DZANK1: variants seen among roughly 807,000 people sequenced by gnomAD.
DZANK1 encodes double zinc ribbon and ankyrin repeat-containing protein 1.
DZANK1 carries 91 observed loss-of-function variants against 94.5 expected under a neutral mutation model. That is an observed-to-expected ratio of 0.96 (90% CI 0.81 to 1.15). The LOEUF is 1.15. Ranked by LOEUF, DZANK1 falls within the 50% of genes most tolerant of loss-of-function variation. The probability of loss-of-function intolerance (pLI) is 0.00; values close to 1 mark genes in which losing one functional copy is unlikely to be tolerated. For synonymous variants in DZANK1, 312 were observed against 325.3 expected (o/e 0.96, Z 0.44); for missense variants, 903 against 916.4 (o/e 0.99, Z 0.19).
chr20:18,462,633 TA>T, intron 2 of DZANK1, among the ~76,000 whole-genome samples: 1 of 152,114 alleles, frequency 6.6e-6, no homozygotes, highest in South Asian at 2.1e-4. Flanking sequence ...AAGGGACACT[TA>T]TACACTATTG....
chr20:18,384,286 C>T (rs1336759045), exon 21 of DZANK1: 11 of 1,158,330 alleles, frequency 9.5e-6, no homozygotes, highest in East Asian at 5.3e-5. Context: ...CTTGAACTCC[C>T]AACCTCAGGT....
exon 21 of DZANK1, chr20:18,384,437 G>C (rs1197462192): frequency 6.8e-6 from 11 of 1,612,030 alleles, no homozygotes; most frequent in Non-Finnish European, 7.6e-6. Context: ...GTTTGAGCGA[G>C]TTGGTCCTCA....
At position 18,426,321 on chromosome 20, in the gene DZANK1, T is replaced by C. The variant is rs146174592; in HGVS notation, c.954+746A>G. 2.0e-5 allele frequency among the ~76,000 whole-genome samples: 3 copies of C among 152,090 alleles called. No individual in the cohort carries two copies. In the East Asian group the frequency reaches 5.8e-4, roughly 29 times the overall value. On this transcript the variant is annotated intron_variant, in intron 10 of 20. Coordinates refer to ENST00000262547, the Ensembl canonical transcript of DZANK1. ...TCCCCCAACCAGGTCCGTGGAAAAA[T>C]TGTCTTCTACAAAACTGGTCCCTGG...
intron 13 of DZANK1, 78 bp from the exon 14 acceptor site, chr20:18,398,704 G>T: frequency 7.4e-7 from 1 of 1,359,292 alleles, no homozygotes; most frequent in Non-Finnish European, 1.0e-6. Flanking sequence ...TGGAACATAT[G>T]TTCTTAGAGA....
chr20:18,435,277 G>T (rs748794942), intron 8 of DZANK1, among the ~76,000 whole-genome samples: 27 of 152,156 alleles, frequency 1.8e-4, no homozygotes, highest in Non-Finnish European at 3.2e-4. Context: ...TAAACATCAG[G>T]CTTAAATATA....
chr20:18,445,755 T>C lies in DZANK1; in HGVS notation c.630-2291A>G, dbSNP rs143224473. Among the ~76,000 whole-genome samples the C allele has an allele frequency of 2.4e-3, 367 of 151,946 alleles. 6 individuals carry two copies. The highest frequency in any genetic ancestry group is 0.02 in the Admixed American group (310 of 15,270). On this transcript the variant is annotated intron_variant, in intron 7 of 20. Coordinates refer to ENST00000262547, the Ensembl canonical transcript of DZANK1. ...CACCCCTGCCACAAAAAAATATATA[T>C]ATACAAGGTTTTTTGTTTTGAGACA...
rs373211033 is a variant in DZANK1, at chr20:18,465,707, T to C, written c.-19-330A>G. ...CTAACGCTCTGACTTGAGTTCCCTG[T>C]AAATCATTATCGCCTTTTCCTGCCT... On this transcript the variant is annotated intron_variant, in intron 1 of 20. Transcript: ENST00000262547. 3.9e-5 allele frequency among the ~76,000 whole-genome samples: 6 copies of C among 152,240 alleles called. No homozygotes were observed. In the East Asian group the frequency reaches 9.6e-4, roughly 24 times the overall value.
intron 12 of DZANK1, among the ~76,000 whole-genome samples, chr20:18,413,823 CT>C (rs758859791): frequency 6.6e-5 from 10 of 151,912 alleles, no homozygotes; most frequent in Non-Finnish European, 1.3e-4. Context: ...ATACAAAGTG[CT>C]GAGTGTATCC....
chr20:18,428,280 C>A (rs1182905603), intron 9 of DZANK1, among the ~76,000 whole-genome samples: 7 of 151,908 alleles, frequency 4.6e-5, no homozygotes, highest in East Asian at 2.0e-4. Flanking sequence ...CCTCTGCCTC[C>A]CGGGTTCAAG....
At chr20:18,463,215 T>C (rs574703487) in intron 2 of DZANK1, among the ~76,000 whole-genome samples, 1 of 152,300 alleles carries the variant, frequency 6.6e-6, no homozygotes, top group South Asian at 2.1e-4. Flanking sequence ...CTGCAGCAAA[T>C]GGATATAGTT....
intron 19 of DZANK1, among the ~76,000 whole-genome samples, chr20:18,387,795 C>A (rs2048597411): frequency 6.6e-6 from 1 of 152,198 alleles, no homozygotes; most frequent in Admixed American, 6.5e-5. Context: ...TTTTCTGCCA[C>A]CTGCCAAGCT....
rs779596211 is a variant in DZANK1, at chr20:18,415,442, C to T, written c.962G>A (p.Cys321Tyr). 3 of 1,521,868 alleles carry T rather than the reference C, an allele frequency of 2.0e-6. No homozygotes were observed. In the East Asian group the frequency reaches 7.5e-5, roughly 38 times the overall value. The allele number at this position is 1,521,868 out of a possible 1,614,324, so 94.3% of individuals were successfully genotyped here. The stretch of plus-strand genomic sequence containing the variant: ...CGGAGGAGGGGCTTTATCCCCACTG[C>T]ACATCGACTGGTGAATGAAATGGCA... Residue 321 changes from cysteine (C) to tyrosine (Y), a missense_variant, in exon 11 of 21, where the codon TGC (cysteine) becomes TAC (tyrosine). Coordinates refer to ENST00000262547, the Ensembl canonical transcript of DZANK1.
At chr20:18,440,966 A>G (rs1016234077) in intron 8 of DZANK1, among the ~76,000 whole-genome samples, 11 of 152,198 alleles carry the variant, frequency 7.2e-5, no homozygotes, top group African/African-American at 2.7e-4. Context: ...ATTTTCATCA[A>G]TATAACCCTG....
chr20:18,385,786 A>T (rs1461785224), intron 19 of DZANK1, among the ~76,000 whole-genome samples: 3 of 152,164 alleles, frequency 2.0e-5, no homozygotes, highest in Non-Finnish European at 4.4e-5. Flanking sequence ...CCTTGGCTCC[A>T]GTGAGTTGGG....
chr20:18,453,276 G>C (rs2059168453), intron 5 of DZANK1, among the ~76,000 whole-genome samples: 1 of 152,170 alleles, frequency 6.6e-6, no homozygotes, highest in Non-Finnish European at 1.5e-5. Flanking sequence ...TCTGAACACA[G>C]TGTTCCCCAT....
intron 10 of DZANK1, among the ~76,000 whole-genome samples, chr20:18,424,433 C>T (rs1471471702): frequency 4.1e-5 from 6 of 146,318 alleles, no homozygotes; most frequent in African/African-American, 7.7e-5. Context: ...CCAGCCTGGG[C>T]GACAGAGCAA....
rs2056462321 is a variant in DZANK1 at position 18,398,230 on chromosome 20, T to A, written c.1536+293A>T. 7 of 396,274 alleles carry A rather than the reference T, an allele frequency of 1.8e-5. No individual in the cohort carries two copies. In the South Asian group the frequency reaches 2.2e-4, roughly 13 times the overall value. 24.5% of individuals were successfully genotyped at this position (396,274 alleles called of 1,614,324 possible). A position where few individuals can be genotyped will look rare whatever the true frequency, so the allele number is the denominator to read the frequency against. ...TGCACGATCTGGATGGATTAAATTG[T>A]TCTGGGACCTTTCATTCTGACTGTT... is the stretch of plus-strand genomic sequence containing the variant. On this transcript the variant is annotated intron_variant, in intron 14 of 20. Coordinates refer to ENST00000262547, the Ensembl canonical transcript of DZANK1.
In DZANK1 at chr20:18,433,267, G is replaced by A. The variant is rs148188474; in HGVS notation, c.861+385C>T. 772 of 220,802 alleles carry A rather than the reference G, an allele frequency of 3.5e-3. 7 individuals carry two copies. The Middle Eastern group carries it at 0.042, about 12-fold the overall frequency. 13.7% of individuals were successfully genotyped at this position (220,802 alleles called of 1,614,324 possible). Reference sequence around the variant, plus strand: ...ATCAATTGTTACCCCATCCTGGCGGGCATGGTGGCTTATGCCTGTAATCCA... The same window carrying A: ...ATCAATTGTTACCCCATCCTGGCGGACATGGTGGCTTATGCCTGTAATCCA... On this transcript the variant is annotated intron_variant, in intron 9 of 20. Coordinates refer to ENST00000262547, the Ensembl canonical transcript of DZANK1.
intron 1 of DZANK1, among the ~76,000 whole-genome samples, chr20:18,465,961 A>G (rs1255856686): frequency 6.6e-6 from 1 of 152,252 alleles, no homozygotes; most frequent in African/African-American, 2.4e-5. Flanking sequence ...TTGCAAGAAT[A>G]TAAACAGTGA....
Sources: gnomAD v4.1 joint callset for allele counts (sites outside exome capture counted in the v4.1 genomes callset) on GRCh38, gnomAD v4.1.1 for gene constraint, MANE v1.5 for transcripts, NCBI Gene and HGNC (gene_info 2026-07-23, HGNC 2026-07-21) for gene names.